Variants in EEFSEC observed in about 807,000 individuals in gnomAD.
The protein encoded by EEFSEC is eukaryotic elongation factor, selenocysteine-tRNA specific.
Under a neutral mutation model 42.1 loss-of-function variants are expected in EEFSEC, and 43 were observed. The ratio of observed to expected loss-of-function variants is 1.02; its 90% confidence interval spans 0.80 to 1.32. The LOEUF is 1.32. Among genes scored for constraint, EEFSEC ranks in the 40% most tolerant of loss-of-function variants. EEFSEC has a pLI of 0.00. For missense variants in EEFSEC, 745 were observed against 803.6 expected (o/e 0.93, Z 0.88); for synonymous variants, 354 against 339.1 (o/e 1.04, Z -0.48).
At chr3:128,344,600 A>G (rs978793332) in intron 5 of EEFSEC, among the ~76,000 whole-genome samples, 1 of 152,132 alleles carries the variant, frequency 6.6e-6, no homozygotes, top group African/African-American at 2.4e-5. Context: ...TGAGTCATGA[A>G]ATTTCCACTT....
At chr3:128,176,881 A>T (rs1019215576) in intron 1 of EEFSEC, among the ~76,000 whole-genome samples, 1 of 152,134 alleles carries the variant, frequency 6.6e-6, no homozygotes, top group Non-Finnish European at 1.5e-5. Context: ...ACTACTGATA[A>T]TAAAGACTCC....
chr3:128,199,606 T>G (rs1198024455), intron 1 of EEFSEC, among the ~76,000 whole-genome samples: 1 of 152,246 alleles, frequency 6.6e-6, no homozygotes, highest in Non-Finnish European at 1.5e-5. Flanking sequence ...GTAATCTCTT[T>G]GCACCTTGTA....
At chr3:128,384,378 G>A (rs2067812933) in intron 6 of EEFSEC, among the ~76,000 whole-genome samples, 1 of 152,236 alleles carries the variant, frequency 6.6e-6, no homozygotes, top group African/African-American at 2.4e-5. Context: ...TGAGTGGACT[G>A]GTTCAGAGGT....
At chr3:128,259,904 T>A (rs1021254888) in intron 2 of EEFSEC, among the ~76,000 whole-genome samples, 1 of 152,176 alleles carries the variant, frequency 6.6e-6, no homozygotes, top group African/African-American at 2.4e-5. Flanking sequence ...ACATAGTTTG[T>A]GTATCCATTC....
intron 4 of EEFSEC, among the ~76,000 whole-genome samples, chr3:128,332,824 GA>G (rs2067148597): frequency 1.3e-5 from 2 of 152,196 alleles, no homozygotes; most frequent in Non-Finnish European, 2.9e-5. Flanking sequence ...TGTGAGATGT[GA>G]TTAAATGCAT....
rs188468950 is a variant in EEFSEC at position 128,350,430 on chromosome 3, A to G, written c.1444-7787A>G. Among the ~76,000 whole-genome samples, 17 of 152,270 alleles carry G rather than the reference A, an allele frequency of 1.1e-4. 1 individual carries two copies. In the East Asian group the frequency reaches 3.3e-3, roughly 29 times the overall value. The stretch of plus-strand genomic sequence containing the variant: ...GCCCTCGCTCCCCTGGGTCCCTGCC[A>G]GAGGGTTGAAGGCCACATTGGCTCC... On this transcript the variant is annotated intron_variant, in intron 5 of 6. Transcript: ENST00000254730.
chr3:128,375,593 C>T (rs1010427770), intron 6 of EEFSEC, among the ~76,000 whole-genome samples: 1 of 152,214 alleles, frequency 6.6e-6, no homozygotes, highest in Non-Finnish European at 1.5e-5. Context: ...TTCATTCTGC[C>T]ACTTGCGCTG....
At chr3:128,169,270 A>T (rs899473697) in intron 1 of EEFSEC, among the ~76,000 whole-genome samples, 1 of 152,200 alleles carries the variant, frequency 6.6e-6, no homozygotes, top group Non-Finnish European at 1.5e-5. Context: ...GTTCCAGACC[A>T]AAGGTGTAGC....
At chr3:128,250,988 T>C (rs749092770) in intron 2 of EEFSEC, among the ~76,000 whole-genome samples, 1 of 148,864 alleles carries the variant, frequency 6.7e-6, no homozygotes, top group African/African-American at 2.5e-5. Context: ...TATTCCTAAG[T>C]ATTGGATTCT....
chr3:128,170,044 G>A (rs2065279572), intron 1 of EEFSEC, among the ~76,000 whole-genome samples: 1 of 152,214 alleles, frequency 6.6e-6, no homozygotes, highest in African/African-American at 2.4e-5. Flanking sequence ...GTGCCTGGAA[G>A]TGTGAAGGCG....
intron 6 of EEFSEC, among the ~76,000 whole-genome samples, chr3:128,377,566 G>A (rs753000033): frequency 6.6e-6 from 1 of 152,238 alleles, no homozygotes; most frequent in Non-Finnish European, 1.5e-5. Flanking sequence ...TGTTTTCAAT[G>A]CAGCGTAACA....
At chr3:128,299,980 C>A (rs994431892) in intron 4 of EEFSEC, among the ~76,000 whole-genome samples, 1 of 152,160 alleles carries the variant, frequency 6.6e-6, no homozygotes, top group African/African-American at 2.4e-5. Context: ...AGCATGTAAG[C>A]CCTGTGGCTT....
At chr3:128,262,070 G>A (rs1376478416) in intron 2 of EEFSEC, 58 bp from the exon 3 acceptor site, 1 of 1,533,992 alleles carries the variant, frequency 6.5e-7, no homozygotes, top group Non-Finnish European at 9.0e-7. Context: ...TCATGGACGT[G>A]CTTTGTGTCC....
chr3:128,154,033 G>T, intron 1 of EEFSEC: 5 of 452,604 alleles, frequency 1.1e-5, no homozygotes, highest in Non-Finnish European at 1.4e-5. Flanking sequence ...CCATCCAGCA[G>T]AACCGAGCTG....
intron 6 of EEFSEC, among the ~76,000 whole-genome samples, chr3:128,381,559 C>T (rs1320085773): frequency 2.6e-5 from 4 of 152,338 alleles, no homozygotes; most frequent in African/African-American, 9.6e-5. Flanking sequence ...TCTGTACATT[C>T]ATGCGTCAAT....
chr3:128,278,609 G>C (rs958523657), intron 4 of EEFSEC, among the ~76,000 whole-genome samples: 1 of 152,238 alleles, frequency 6.6e-6, no homozygotes, highest in African/African-American at 2.4e-5. Flanking sequence ...AACCTTGGTA[G>C]TTGGGGCCTC....
intron 4 of EEFSEC, among the ~76,000 whole-genome samples, chr3:128,270,507 T>C (rs1486487779): frequency 2.0e-5 from 3 of 152,228 alleles, no homozygotes; most frequent in Non-Finnish European, 4.4e-5. Context: ...ATCAAGTCTA[T>C]ATTCAGATTG....
At chr3:128,271,536 C>G (rs1055597512) in intron 4 of EEFSEC, among the ~76,000 whole-genome samples, 2 of 152,110 alleles carry the variant, frequency 1.3e-5, no homozygotes, top group Non-Finnish European at 2.9e-5. Flanking sequence ...GCACCAGATG[C>G]ACAGGGTTGG....
At chr3:128,282,551 A>G (rs1434317430) in intron 4 of EEFSEC, among the ~76,000 whole-genome samples, 1 of 152,256 alleles carries the variant, frequency 6.6e-6, no homozygotes, top group African/African-American at 2.4e-5. Flanking sequence ...ACACGTGCAC[A>G]TGTGCACACG....
Sources: allele counts gnomAD v4.1 joint callset (sites outside exome capture counted in the v4.1 genomes callset), GRCh38; gene constraint gnomAD v4.1.1; transcripts MANE v1.5; gene names NCBI Gene and HGNC (gene_info 2026-07-23, HGNC 2026-07-21).